Variants in SH3RF3 observed in about 807,000 individuals in gnomAD.
SH3RF3 encodes SH3 domain containing ring finger 3, also known as E3 ubiquitin-protein ligase SH3RF3.
In SH3RF3, 29 loss-of-function variants were observed where a neutral mutation model predicts 66.3. That is an observed-to-expected ratio of 0.44 (90% CI 0.33 to 0.60). The LOEUF (loss-of-function observed/expected upper bound fraction) is 0.60, where lower values mean the gene tolerates loss of function less well. Among genes scored for constraint, SH3RF3 ranks in the 20% least tolerant of loss-of-function variants. The pLI is 0.04. For missense variants in SH3RF3, 1,194 were observed against 1,190.9 expected, an observed-to-expected ratio of 1.00 and a Z score of -0.04; for synonymous variants, 583 against 532.0, an observed-to-expected ratio of 1.10 and a Z score of -1.32.
At chr2:109,468,330 G>A (rs1399895695) in intron 8 of SH3RF3, among the ~76,000 whole-genome samples, 1 of 152,178 alleles carries the variant, frequency 6.6e-6, no homozygotes, top group Non-Finnish European at 1.5e-5. Flanking sequence ...ACATAGGAAG[G>A]GGAATGCGTT....
Position 109,292,229 on chromosome 2 carries a change from G to A in SH3RF3, c.574-55445G>A, listed in dbSNP as rs944899069. Among the ~76,000 whole-genome samples, 3 of 152,184 alleles carry A rather than the reference G, an allele frequency of 2.0e-5. No individual in the cohort carries two copies. In the South Asian group the frequency reaches 6.2e-4, roughly 31 times the overall value. On this transcript the variant is annotated intron_variant, in intron 1 of 9. Transcript: ENST00000309415. Reference sequence around the variant, plus strand: ...CATTTATGTTCTCTACAGAAAATTTGTAATGTATAAATGTATAAACATAAT... The same window carrying A: ...CATTTATGTTCTCTACAGAAAATTTATAATGTATAAATGTATAAACATAAT...
intron 1 of SH3RF3, among the ~76,000 whole-genome samples, chr2:109,176,548 A>G (rs1529574): frequency 0.52 from 78,376 of 152,058 alleles, 20,785 homozygotes; most frequent in South Asian, 0.61. Context: ...CCTTGGCAAC[A>G]TAATGAGACC....
intron 1 of SH3RF3, among the ~76,000 whole-genome samples, chr2:109,225,456 A>AGTTGTT (rs1679352808): frequency 6.6e-6 from 1 of 152,150 alleles, no homozygotes; most frequent in African/African-American, 2.4e-5. Context: ...CCCTTTAAAG[A>AGTTGTT]TACAGGCCAG....
chr2:109,293,022 G>A (rs541933392), intron 1 of SH3RF3, among the ~76,000 whole-genome samples: 25 of 152,244 alleles, frequency 1.6e-4, no homozygotes, highest in Non-Finnish European at 3.5e-4. Context: ...GTGAGGCACC[G>A]CACCCCAATT....
chr2:109,409,292 A>G (rs943741946), intron 4 of SH3RF3, among the ~76,000 whole-genome samples: 34 of 152,346 alleles, frequency 2.2e-4, no homozygotes, highest in African/African-American at 6.0e-4. Flanking sequence ...CAGGGGCAGC[A>G]AACGTTCTAA....
intron 1 of SH3RF3, among the ~76,000 whole-genome samples, chr2:109,257,992 A>G (rs1680260720): frequency 1.7e-5 from 2 of 119,472 alleles, no homozygotes; most frequent in South Asian, 2.7e-4. Flanking sequence ...TTGTCACCAC[A>G]TGTGCACACA....
intron 7 of SH3RF3, among the ~76,000 whole-genome samples, chr2:109,441,178 G>A (rs1335659176): frequency 1.4e-5 from 2 of 144,136 alleles, no homozygotes; most frequent in African/African-American, 2.7e-5. Flanking sequence ...AAATCACAAT[G>A]TCTGATGTCC....
intron 1 of SH3RF3, among the ~76,000 whole-genome samples, chr2:109,222,167 A>G (rs1294277750): frequency 1.3e-5 from 2 of 150,342 alleles, no homozygotes; most frequent in Non-Finnish European, 2.9e-5. Flanking sequence ...AAGACAGAGT[A>G]GAGTGCCAGA....
chr2:109,178,748 G>A (rs963233952), intron 1 of SH3RF3, among the ~76,000 whole-genome samples: 1 of 152,298 alleles, frequency 6.6e-6, no homozygotes, highest in Middle Eastern at 3.4e-3. Flanking sequence ...GTGTCGTGTA[G>A]TTCTGGAAAC....
chr2:109,494,756 A>T (rs1244903039), intron 9 of SH3RF3, among the ~76,000 whole-genome samples: 1 of 152,076 alleles, frequency 6.6e-6, no homozygotes, highest in East Asian at 1.9e-4. Flanking sequence ...CAAAATGCCA[A>T]GGAGGAATGG....
chr2:109,351,044 TC>T (rs1241779316), intron 2 of SH3RF3, among the ~76,000 whole-genome samples: 2 of 152,274 alleles, frequency 1.3e-5, no homozygotes, highest in East Asian at 3.8e-4. Flanking sequence ...AAATCTAGTT[TC>T]TGCTTTATTT....
At chr2:109,455,550 A>C (rs1195347983) in intron 8 of SH3RF3, among the ~76,000 whole-genome samples, 1 of 152,168 alleles carries the variant, frequency 6.6e-6, no homozygotes. Context: ...CACTCATGAT[A>C]TTATATAGGA....
chr2:109,439,024 A>T (rs1347714139), intron 7 of SH3RF3, among the ~76,000 whole-genome samples: 1 of 152,220 alleles, frequency 6.6e-6, no homozygotes, highest in African/African-American at 2.4e-5. Context: ...GTCTGCCCAG[A>T]ATAGCCAGTA....
intron 1 of SH3RF3, among the ~76,000 whole-genome samples, chr2:109,338,367 G>T (rs373785752): frequency 6.6e-6 from 1 of 152,046 alleles, no homozygotes; most frequent in African/African-American, 2.4e-5. Flanking sequence ...CTCCTTGAGC[G>T]CTGGGGACCC....
chr2:109,253,811 T>G (rs1254134310), intron 1 of SH3RF3, among the ~76,000 whole-genome samples: 2 of 152,170 alleles, frequency 1.3e-5, no homozygotes, highest in Non-Finnish European at 2.9e-5. Flanking sequence ...ACACAAAGAT[T>G]TATAATTTGT....
intron 1 of SH3RF3, among the ~76,000 whole-genome samples, chr2:109,270,492 G>A (rs887639681): frequency 3.3e-5 from 5 of 152,166 alleles, no homozygotes; most frequent in African/African-American, 1.2e-4. Context: ...TGAGCCACTG[G>A]ACTTAATGTG....
chr2:109,279,541 A>T (rs542489081), intron 1 of SH3RF3, among the ~76,000 whole-genome samples: 7 of 152,170 alleles, frequency 4.6e-5, no homozygotes, highest in Admixed American at 4.6e-4. Context: ...CTTGTCCTAC[A>T]GGTCAGGGCT....
At chr2:109,432,441 G>T (rs1048077000) in intron 5 of SH3RF3, 60 bp from the exon 6 acceptor site, 1 of 1,592,286 alleles carries the variant, frequency 6.3e-7, no homozygotes, top group South Asian at 1.1e-5. Flanking sequence ...CAGGAATGCC[G>T]GCCGGTCCCC....
intron 8 of SH3RF3, among the ~76,000 whole-genome samples, chr2:109,456,677 C>A (rs1284548143): frequency 1.3e-5 from 2 of 152,222 alleles, no homozygotes; most frequent in Admixed American, 1.3e-4. Context: ...GATGAGACTT[C>A]TGGATCTCAG....
Sources: allele counts gnomAD v4.1 joint callset (sites outside exome capture counted in the v4.1 genomes callset), GRCh38; gene constraint gnomAD v4.1.1; transcripts MANE v1.5; gene names NCBI Gene and HGNC (gene_info 2026-07-23, HGNC 2026-07-21).